The following CPXM2 variants were observed in gnomAD, a reference collection of about 807,000 sequenced individuals.
CPXM2 encodes carboxypeptidase X, M14 family member 2, also known as inactive carboxypeptidase-like protein X2.
A neutral mutation model predicts 86.1 loss-of-function variants in CPXM2; 66 were observed. That is an observed-to-expected ratio of 0.77 (90% CI 0.63 to 0.94). The LOEUF (loss-of-function observed/expected upper bound fraction) is 0.94, where lower values mean the gene tolerates loss of function less well. Ranked by LOEUF, CPXM2 falls within the 40% of genes least tolerant of loss-of-function variation. CPXM2 has a pLI of 0.00. For missense variants in CPXM2, 948 were observed against 1,026.3 expected (o/e 0.92, Z 1.04); for synonymous variants, 388 against 400.2 (o/e 0.97, Z 0.36).
intron 2 of CPXM2, among the ~76,000 whole-genome samples, chr10:123,870,745 C>A (rs56406241): frequency 2.3e-4 from 35 of 152,050 alleles, no homozygotes; most frequent in Admixed American, 1.0e-3. Flanking sequence ...CATCACTGAG[C>A]TCCTCCAGAG....
intron 2 of CPXM2, among the ~76,000 whole-genome samples, chr10:123,916,598 C>T (rs1424526450): frequency 6.6e-6 from 1 of 152,172 alleles, no homozygotes; most frequent in Non-Finnish European, 1.5e-5. Flanking sequence ...CATCTGGCCT[C>T]CCTAACTCAG....
chr10:123,921,154 T>C (rs1945576005), intron 2 of CPXM2, among the ~76,000 whole-genome samples: 1 of 152,174 alleles, frequency 6.6e-6, no homozygotes, highest in African/African-American at 2.4e-5. Flanking sequence ...AAAAAGAGCA[T>C]ATTCTTGAAG....
chr10:123,798,162 A>G, intron 5 of CPXM2, 36 bp from the exon 6 acceptor site: 1 of 1,546,558 alleles, frequency 6.5e-7, no homozygotes, highest in Non-Finnish European at 8.7e-7. Flanking sequence ...AAAATCTTTT[A>G]GTGCTTAATT....
At chr10:123,840,806 TC>T (rs1848371142) in intron 4 of CPXM2, among the ~76,000 whole-genome samples, 1 of 152,298 alleles carries the variant, frequency 6.6e-6, no homozygotes, top group Non-Finnish European at 1.5e-5. Flanking sequence ...TATAAGAAAG[TC>T]CCCTTTGCAG....
chr10:123,769,643 T>C (rs953640960), intron 8 of CPXM2: 3 of 152,186 alleles, frequency 2.0e-5, no homozygotes, highest in African/African-American at 4.8e-5. Context: ...ATAACTCCTC[T>C]TATAAAAGGG....
chr10:123,769,541 C>G (rs1275388145), intron 8 of CPXM2: 1 of 152,152 alleles, frequency 6.6e-6, no homozygotes, highest in Non-Finnish European at 1.5e-5. Flanking sequence ...AAGACTGTGC[C>G]ACTGTACTCC....
At chr10:123,867,596 C>G (rs945655329) in intron 2 of CPXM2, among the ~76,000 whole-genome samples, 1 of 136,974 alleles carries the variant, frequency 7.3e-6, no homozygotes. Flanking sequence ...TGCAATGGTG[C>G]GATTTTGCTC....
intron 4 of CPXM2, among the ~76,000 whole-genome samples, chr10:123,824,015 T>C (rs1323161645): frequency 2.6e-5 from 4 of 152,216 alleles, no homozygotes; most frequent in Non-Finnish European, 5.9e-5. Flanking sequence ...GTTTTCAGCT[T>C]TTCCACTCAT....
intron 2 of CPXM2, among the ~76,000 whole-genome samples, chr10:123,936,723 T>C (rs969044123): frequency 9.9e-5 from 15 of 152,154 alleles, no homozygotes; most frequent in Non-Finnish European, 1.6e-4. Context: ...CACTTTCCTC[T>C]CCACTCTCCC....
At chr10:123,770,812 G>C in intron 8 of CPXM2, 104 bp downstream of exon 8, 5 of 1,269,264 alleles carry the variant, frequency 3.9e-6, no homozygotes, top group Non-Finnish European at 5.4e-6. Context: ...GTGGACAGCT[G>C]ATGCCCTGTG....
intron 8 of CPXM2, among the ~76,000 whole-genome samples, chr10:123,770,538 A>C (rs1846603189): frequency 6.6e-6 from 1 of 152,220 alleles, no homozygotes; most frequent in South Asian, 2.1e-4. Flanking sequence ...AATTTTTTTA[A>C]GAATGGGGAG....
chr10:123,755,672 T>C lies in CPXM2; in HGVS notation c.1918-910A>G, dbSNP rs191828744. Among the ~76,000 whole-genome samples, 26 of 152,340 alleles carry C rather than the reference T, an allele frequency of 1.7e-4. No homozygotes were observed. The East Asian group carries it at 2.7e-3, about 16-fold the overall frequency. On this transcript the variant is annotated intron_variant, in intron 12 of 13. Coordinates refer to ENST00000241305, the MANE Select transcript of CPXM2 (RefSeq NM_198148.3). ...TTCCTATAGATGACAACTCCATGCA[T>C]AGACCCTTCCAATGACTTGTGTCAT...
At chr10:123,800,301 C>T (rs1847430670) in intron 4 of CPXM2, among the ~76,000 whole-genome samples, 1 of 152,112 alleles carries the variant, frequency 6.6e-6, no homozygotes, top group African/African-American at 2.4e-5. Context: ...TCTTCTTCTC[C>T]TCTCTCCTCC....
At chr10:123,916,283 G>T (rs1945533063) in intron 2 of CPXM2, among the ~76,000 whole-genome samples, 1 of 152,142 alleles carries the variant, frequency 6.6e-6, no homozygotes, top group Admixed American at 6.5e-5. Flanking sequence ...TAGGTGGTAG[G>T]ATCCATGGAG....
At chr10:123,757,592 T>C (rs1198937489) in intron 11 of CPXM2, among the ~76,000 whole-genome samples, 5 of 152,244 alleles carry the variant, frequency 3.3e-5, no homozygotes, top group African/African-American at 9.6e-5. Context: ...CATGGAAGTG[T>C]GTCTTTGACA....
rs1362237875 is a variant in CPXM2 at position 123,798,000 on chromosome 10, C to G, written c.865G>C (p.Glu289Gln). ...CCTGGCAGTGGGCAGCCCAGGATCT[C>G]CATTCTCATGCAGATGCTCCCATTA... ...FDNGSICMRM[E>Q]ILGCPLPDPN... The change falls in exon 6 of 14, where the codon GAG (glutamate) becomes CAG (glutamine). Residue 289 changes from glutamate (E) to glutamine (Q), a missense_variant. Transcript: ENST00000241305. 7.5e-6 allele frequency: 12 copies of G among 1,609,128 alleles called. No individual in the cohort carries two copies. The highest frequency in any genetic ancestry group is 1.0e-5 in the Non-Finnish European group (12 of 1,177,606).
At chr10:123,873,631 T>A (rs1420983562) in intron 2 of CPXM2, among the ~76,000 whole-genome samples, 2 of 152,136 alleles carry the variant, frequency 1.3e-5, no homozygotes, top group African/African-American at 4.8e-5. Context: ...GTTATAAACC[T>A]ACAGTAATTA....
intron 2 of CPXM2, among the ~76,000 whole-genome samples, chr10:123,909,927 G>A (rs1489962063): frequency 6.6e-6 from 1 of 152,146 alleles, no homozygotes; most frequent in Non-Finnish European, 1.5e-5. Flanking sequence ...TGATGCACGT[G>A]GAAACAAAGA....
At chr10:123,794,630 T>A (rs1194319717) in intron 6 of CPXM2, among the ~76,000 whole-genome samples, 1 of 152,216 alleles carries the variant, frequency 6.6e-6, no homozygotes, top group Non-Finnish European at 1.5e-5. Context: ...AGCATAGATA[T>A]TCAGTGCAAA....
Sources: allele counts gnomAD v4.1 joint callset (sites outside exome capture counted in the v4.1 genomes callset), GRCh38; gene constraint gnomAD v4.1.1; transcripts MANE v1.5; gene names NCBI Gene and HGNC (gene_info 2026-07-23, HGNC 2026-07-21).